LCORL: variants seen among roughly 807,000 people sequenced by gnomAD.
LCORL encodes the protein ligand dependent nuclear receptor corepressor like.
Under a neutral mutation model 141.8 loss-of-function variants are expected in LCORL, and 41 were observed. The observed-to-expected ratio is 0.29, with a 90% CI of 0.23 to 0.38. The LOEUF (loss-of-function observed/expected upper bound fraction) is 0.38, where lower values mean the gene tolerates loss of function less well. Ranked by LOEUF, LCORL falls within the 10% of genes least tolerant of loss-of-function variation. The probability of loss-of-function intolerance (pLI) is 1.00; values close to 1 mark genes in which losing one functional copy is unlikely to be tolerated. For missense variants in LCORL, 1,759 were observed against 2,035.0 expected (o/e 0.86, Z 2.61); for synonymous variants, 618 against 694.1 (o/e 0.89, Z 1.72).
chr4:18,001,802 G>A (rs957047450), intron 1 of LCORL, among the ~76,000 whole-genome samples: 27 of 152,148 alleles, frequency 1.8e-4, no homozygotes, highest in Middle Eastern at 3.2e-3. Flanking sequence ...ACATTTTATG[G>A]ATTTTAATTC....
At chr4:17,851,031 A>G (rs1392769880) in intron 7 of LCORL, among the ~76,000 whole-genome samples, 24 of 141,266 alleles carry the variant, frequency 1.7e-4, no homozygotes, top group Middle Eastern at 3.5e-3. Context: ...CGCAAGAACA[A>G]AAAACCAAAC....
rs374829898 is a variant in LCORL at position 17,871,660 on chromosome 4, T to C, written c.5602+1728A>G. On this transcript the variant is annotated intron_variant, in intron 7 of 7. Coordinates refer to ENST00000635767, the Ensembl canonical transcript of LCORL. ...GAATTAAAAATGAAGCTTTACATTT[T>C]ATTCTCCATTCATGACAGTCTTTAA... 1.8e-4 allele frequency among the ~76,000 whole-genome samples: 28 copies of C among 152,168 alleles called. 1 individual carries two copies. In the South Asian group the frequency reaches 2.9e-3, roughly 16 times the overall value.
intron 4 of LCORL, among the ~76,000 whole-genome samples, chr4:17,937,938 T>G (rs900099506): frequency 8.6e-5 from 13 of 151,962 alleles, no homozygotes; most frequent in African/African-American, 3.1e-4. Flanking sequence ...ATTTTCAAAT[T>G]AGGTTACATA....
At position 17,912,542 on chromosome 4, in the gene LCORL, AC is replaced by A. The variant is rs1010461747; in HGVS notation, c.431-3198del. On this transcript the variant is annotated intron_variant, in intron 4 of 7. Transcript: ENST00000635767. ...GATTGAGGAGAGCACCACAGTCATC[AC>A]CACACAGTCTGCCGGAATTGGAGCT... 60 of 471,628 alleles carry A rather than the reference AC, an allele frequency of 1.3e-4. 1 individual carries two copies. The highest frequency in any genetic ancestry group is 2.3e-4 in the Non-Finnish European group (55 of 241,552). The allele number at this position is 471,628 out of a possible 1,614,324, so 29.2% of individuals were successfully genotyped here.
In LCORL at chr4:17,911,102, G is replaced by C. The variant is rs144169620; in HGVS notation, c.431-1757C>G. On this transcript the variant is annotated intron_variant, in intron 4 of 7. Transcript: ENST00000635767. ...TAAGACAGAAATAATAATAGAACCT[G>C]GGATACTATTTATGGGGCTTGCTCA... Among the ~76,000 whole-genome samples the C allele has an allele frequency of 8.0e-3, 1,215 of 152,164 alleles. 14 individuals are homozygous for C. Among genetic ancestry groups the C allele is most frequent in the Admixed American group, 0.012 (181 of 15,274 alleles).
chr4:17,888,643 T>C (rs1335691120), intron 5 of LCORL, among the ~76,000 whole-genome samples: 1 of 152,196 alleles, frequency 6.6e-6, no homozygotes, highest in Non-Finnish European at 1.5e-5. Flanking sequence ...CAATTATTGA[T>C]TTATAAATCT....
intron 7 of LCORL, among the ~76,000 whole-genome samples, chr4:17,858,143 G>A (rs974995597): frequency 3.9e-5 from 6 of 152,160 alleles, no homozygotes; most frequent in African/African-American, 1.2e-4. Flanking sequence ...GCATGAGCAC[G>A]ACGTGGACAA....
chr4:17,976,524 A>T (rs976988714), intron 1 of LCORL, among the ~76,000 whole-genome samples: 3 of 152,200 alleles, frequency 2.0e-5, no homozygotes, highest in Non-Finnish European at 4.4e-5. Flanking sequence ...GTAATGTAAG[A>T]ATCAATACAT....
chr4:17,845,554 CAT>C, exon 8 of LCORL: 1 of 402,488 alleles, frequency 2.5e-6, no homozygotes, highest in Non-Finnish European at 4.1e-6. Context: ...TGATGTAAAA[CAT>C]GTAAAAAAAA....
intron 1 of LCORL, among the ~76,000 whole-genome samples, chr4:18,011,324 A>G (rs1264605222): frequency 6.6e-6 from 1 of 152,022 alleles, no homozygotes; most frequent in African/African-American, 2.4e-5. Context: ...CTTTAATTTG[A>G]GCTTCTTAAA....
intron 1 of LCORL, among the ~76,000 whole-genome samples, chr4:17,997,780 T>C (rs1721139529): frequency 7.2e-6 from 1 of 138,004 alleles, no homozygotes. Flanking sequence ...CATTATTGTT[T>C]GTTTGTTAGT....
chr4:17,997,424 T>C (rs1315561345), intron 1 of LCORL, among the ~76,000 whole-genome samples: 1 of 152,204 alleles, frequency 6.6e-6, no homozygotes, highest in Non-Finnish European at 1.5e-5. Context: ...GGATCTGTCA[T>C]AGTGATTCAC....
chr4:18,002,190 T>C (rs1384326372), intron 1 of LCORL, among the ~76,000 whole-genome samples: 2 of 152,216 alleles, frequency 1.3e-5, no homozygotes, highest in African/African-American at 4.8e-5. Context: ...ACTGTTAATT[T>C]GGTGGCTCTA....
chr4:18,021,829 G>A lies in LCORL; in HGVS notation c.-78C>T. 7.3e-7 allele frequency: 1 copy of A among 1,361,358 alleles called. No homozygotes were observed. Among genetic ancestry groups the A allele is most frequent in the Non-Finnish European group, 9.5e-7 (1 of 1,051,986 alleles). The allele number at this position is 1,361,358 out of a possible 1,614,324, so 84.3% of individuals were successfully genotyped here. On this transcript the variant is annotated 5_prime_UTR_variant, in exon 1 of 8. Coordinates refer to ENST00000635767, the Ensembl canonical transcript of LCORL. This position sits in a 1 kb window ranked among gnomAD's most constrained non-coding sequence, Gnocchi z 5.5. ...GCAGGGGCGCGAGCCCTCGGCGCGA[G>A]CCCCGGAGCGCGCGCCCCCCGGAGG...
chr4:17,961,424 C>G (rs543462509), intron 4 of LCORL, among the ~76,000 whole-genome samples: 53 of 152,010 alleles, frequency 3.5e-4, no homozygotes, highest in African/African-American at 1.2e-3. Context: ...TTAATGTCTA[C>G]TAAGCAAATT....
intron 1 of LCORL, among the ~76,000 whole-genome samples, chr4:18,014,051 G>T (rs565953511): frequency 6.6e-6 from 1 of 152,032 alleles, no homozygotes; most frequent in Non-Finnish European, 1.5e-5. Flanking sequence ...CAAGTGATCC[G>T]CCTGCCTCAG....
At chr4:17,848,963 C>G (rs1285101942) in intron 7 of LCORL, among the ~76,000 whole-genome samples, 2 of 152,250 alleles carry the variant, frequency 1.3e-5, no homozygotes, top group African/African-American at 4.8e-5. Context: ...TGCAAGGCAG[C>G]AGCGAGGCTG....
chr4:17,917,043 C>T (rs1437876506), intron 4 of LCORL, among the ~76,000 whole-genome samples: 1 of 152,106 alleles, frequency 6.6e-6, no homozygotes, highest in Non-Finnish European at 1.5e-5. Flanking sequence ...ATGACAATCT[C>T]GGCTCATTGC....
intron 1 of LCORL, among the ~76,000 whole-genome samples, chr4:17,994,508 C>T (rs937164709): frequency 1.3e-5 from 2 of 152,162 alleles, no homozygotes; most frequent in Non-Finnish European, 1.5e-5. Context: ...AGAATCACTG[C>T]CTCAATTTAA....
Sources: allele counts gnomAD v4.1 joint callset (sites outside exome capture counted in the v4.1 genomes callset), GRCh38; gene constraint gnomAD v4.1.1; non-coding constraint Gnocchi (gnomAD v3.1); transcripts MANE v1.5; gene names NCBI Gene and HGNC (gene_info 2026-07-23, HGNC 2026-07-21).